Variants in PCDHA2 observed in about 807,000 individuals in gnomAD.
PCDHA2 encodes protocadherin alpha 2, also known as protocadherin alpha-2.
A neutral mutation model predicts 66.0 loss-of-function variants in PCDHA2; 58 were observed. The observed-to-expected ratio is 0.88, with a 90% CI of 0.71 to 1.09. PCDHA2 has a LOEUF of 1.09. Ranked by LOEUF, PCDHA2 falls within the 50% of genes least tolerant of loss-of-function variation. PCDHA2 has a pLI of 0.00. For synonymous variants in PCDHA2, 634 were observed against 554.0 expected (o/e 1.14, Z -2.03); for missense variants, 1,267 against 1,242.3 (o/e 1.02, Z -0.30).
intron 1 of PCDHA2, chr5:140,884,560 G>A: frequency 6.2e-7 from 1 of 1,614,132 alleles, no homozygotes; most frequent in African/African-American, 1.3e-5. Context: ...GGGAGGGCCC[G>A]CATAAGACGG....
intron 1 of PCDHA2, among the ~76,000 whole-genome samples, chr5:140,958,384 C>G (rs1352428582): frequency 6.6e-6 from 1 of 152,098 alleles, no homozygotes; most frequent in Non-Finnish European, 1.5e-5. Context: ...ATTTTCTTAA[C>G]AGGTCATCAA....
chr5:140,946,335 G>A lies in PCDHA2; in HGVS notation c.2389-32614G>A, dbSNP rs555314202. ...ATTATTGAAAGAGGAAAGATAACAA[G>A]TGATGGAGAGGATGTGGAGAAAAGG... On this transcript the variant is annotated intron_variant, in intron 1 of 3. Transcript: ENST00000526136. Among the ~76,000 whole-genome samples, 250 of 151,944 alleles carry A rather than the reference G, an allele frequency of 1.6e-3. 2 individuals are homozygous for A. The highest frequency in any genetic ancestry group is 2.8e-3 in the Non-Finnish European group (188 of 67,814).
intron 1 of PCDHA2, among the ~76,000 whole-genome samples, chr5:140,977,306 C>T (rs995052680): frequency 6.6e-6 from 1 of 152,150 alleles, no homozygotes; most frequent in African/African-American, 2.4e-5. Context: ...GACAAGCTAA[C>T]GATAGTGCTC....
intron 1 of PCDHA2, among the ~76,000 whole-genome samples, chr5:140,965,996 A>G (rs2095956267): frequency 6.6e-6 from 1 of 152,102 alleles, no homozygotes; most frequent in South Asian, 2.1e-4. Context: ...TGCAGTACTT[A>G]AGAGTGTCCA....
At chr5:140,876,209 G>A in intron 1 of PCDHA2, 1 of 1,613,924 alleles carries the variant, frequency 6.2e-7, no homozygotes. Flanking sequence ...GATAAGCCCA[G>A]CTATAAAGTA....
rs2150205014 is a variant in PCDHA2, at chr5:140,832,896, C to G, written c.2388+35544C>G. Among the ~76,000 whole-genome samples, 13 of 152,128 alleles carry G rather than the reference C, an allele frequency of 8.5e-5. 1 individual carries two copies. In the South Asian group the frequency reaches 2.7e-3, roughly 32 times the overall value. On this transcript the variant is annotated intron_variant, in intron 1 of 3. Coordinates refer to ENST00000526136, the MANE Select transcript of PCDHA2 (RefSeq NM_018905.3). ...GGTTATAAAATGGAAAGAGTTTTCCCTGGGAGAATATGGAGACTAACAGGT... is the reference window on the plus strand; with the variant it reads ...GGTTATAAAATGGAAAGAGTTTTCCGTGGGAGAATATGGAGACTAACAGGT...
chr5:141,006,361 A>G (rs1384420854), intron 3 of PCDHA2, among the ~76,000 whole-genome samples: 3 of 151,846 alleles, frequency 2.0e-5, no homozygotes, highest in African/African-American at 7.3e-5. Context: ...ATAGGCGCCC[A>G]CCACCACGCC....
intron 1 of PCDHA2, chr5:140,883,292 G>C (rs1352359327): frequency 6.2e-7 from 1 of 1,613,946 alleles, no homozygotes; most frequent in Non-Finnish European, 8.5e-7. Flanking sequence ...GGAAGTACTA[G>C]ATGTAAATGA....
chr5:140,849,568 C>T (rs2040965455), intron 1 of PCDHA2: 1 of 1,598,504 alleles, frequency 6.3e-7, no homozygotes, highest in Non-Finnish European at 8.6e-7. Context: ...CTCTCGGTTC[C>T]TGTAAAAGAG....
At chr5:140,808,032 C>T (rs782714684) in intron 1 of PCDHA2, 15 of 1,613,706 alleles carry the variant, frequency 9.3e-6, no homozygotes, top group Non-Finnish European at 9.3e-6. Flanking sequence ...TATTCATTCT[C>T]AAATGATATT....
At chr5:140,821,779 G>A (rs1554128193) in intron 1 of PCDHA2, 29 of 1,609,248 alleles carry the variant, frequency 1.8e-5, no homozygotes, top group Admixed American at 3.4e-5. Flanking sequence ...GATTGAGATG[G>A]TATATTCCCG....
chr5:140,837,614 C>A (rs188278547), intron 1 of PCDHA2, among the ~76,000 whole-genome samples: 1 of 147,776 alleles, frequency 6.8e-6, no homozygotes, highest in East Asian at 2.0e-4. Flanking sequence ...TTATAATTTG[C>A]CCCTTCCTTC....
chr5:140,986,074 T>C (rs1342378005), intron 3 of PCDHA2, among the ~76,000 whole-genome samples: 1 of 152,124 alleles, frequency 6.6e-6, no homozygotes, highest in African/African-American at 2.4e-5. Context: ...AAAGAAACTG[T>C]TCATTTATTT....
At chr5:140,886,330 T>C (rs1403720039) in intron 1 of PCDHA2, among the ~76,000 whole-genome samples, 1 of 152,192 alleles carries the variant, frequency 6.6e-6, no homozygotes, top group Admixed American at 6.5e-5. Context: ...CTGGGATACA[T>C]GTGCAGAACG....
At chr5:140,921,850 G>C (rs2080436717) in intron 1 of PCDHA2, among the ~76,000 whole-genome samples, 1 of 151,984 alleles carries the variant, frequency 6.6e-6, no homozygotes, top group African/African-American at 2.4e-5. Context: ...ATTTATAGAT[G>C]TGTGTGTATA....
chr5:140,875,738 G>A (rs1197047985), intron 1 of PCDHA2: 2 of 1,614,204 alleles, frequency 1.2e-6, no homozygotes, highest in Non-Finnish European at 1.7e-6. Context: ...GTGAATTCTC[G>A]GATCGACCGC....
At chr5:140,983,771 A>G (rs963720761) in intron 3 of PCDHA2, among the ~76,000 whole-genome samples, 2 of 152,222 alleles carry the variant, frequency 1.3e-5, no homozygotes, top group Admixed American at 6.5e-5. Flanking sequence ...ATACATATCT[A>G]CATACATAAC....
intron 1 of PCDHA2, among the ~76,000 whole-genome samples, chr5:140,946,634 A>ATATATATATAT (rs1554217761): frequency 2.7e-5 from 4 of 147,312 alleles, no homozygotes; most frequent in African/African-American, 7.7e-5. Context: ...ATATATATAC[A>ATATATATATAT]ATGGAATACT....
At chr5:140,857,932 C>A (rs1393571264) in intron 1 of PCDHA2, 1 of 1,597,630 alleles carries the variant, frequency 6.3e-7, no homozygotes, top group African/African-American at 1.3e-5. Flanking sequence ...TGTACACGGG[C>A]GAGATCAGTA....
Sources: allele counts gnomAD v4.1 joint callset (sites outside exome capture counted in the v4.1 genomes callset), GRCh38; gene constraint gnomAD v4.1.1; transcripts MANE v1.5; gene names NCBI Gene and HGNC (gene_info 2026-07-23, HGNC 2026-07-21).